PTBP3: variants seen among roughly 807,000 people sequenced by gnomAD.
PTBP3 encodes the protein polypyrimidine tract binding protein 3, also known as polypyrimidine tract-binding protein 3.
PTBP3 carries 20 observed loss-of-function variants against 58.7 expected under a neutral mutation model. The observed-to-expected ratio is 0.34, with a 90% CI of 0.24 to 0.50. The LOEUF is 0.50. PTBP3 is among the 20% of genes least tolerant of loss of function. PTBP3 has a pLI of 0.98. For missense variants in PTBP3, 509 were observed against 637.2 expected (o/e 0.80, Z 2.17); for synonymous variants, 185 against 219.8 (o/e 0.84, Z 1.40).
intron 2 of PTBP3, among the ~76,000 whole-genome samples, chr9:112,289,824 A>G (rs10121087): frequency 0.84 from 127,896 of 152,180 alleles, 54,036 homozygotes; most frequent in African/African-American, 0.92. Context: ...CAAATTATTC[A>G]GTTTGTTAGC....
the PTBP3 span, among the ~76,000 whole-genome samples, chr9:112,351,375 A>C: frequency 6.6e-6 from 1 of 152,338 alleles, no homozygotes; most frequent in Non-Finnish European, 1.5e-5. Flanking sequence ...ACAGAGATAA[A>C]GTGCCATTGA....
chr9:112,320,314 A>ATTTTT (rs67226574), intron 1 of PTBP3, among the ~76,000 whole-genome samples: 101 of 75,596 alleles, frequency 1.3e-3, no homozygotes, highest in South Asian at 2.4e-3. Context: ...ATATATATAT[A>ATTTTT]TTTTTTTTTA....
chr9:112,297,159 A>G (rs1162735671), intron 2 of PTBP3, among the ~76,000 whole-genome samples: 1 of 152,198 alleles, frequency 6.6e-6, no homozygotes, highest in Non-Finnish European at 1.5e-5. Flanking sequence ...TTTAAAACGT[A>G]TCGTCTTATA....
chr9:112,272,602 T>C (rs150168525), intron 3 of PTBP3: 3 of 152,278 alleles, frequency 2.0e-5, no homozygotes, highest in African/African-American at 7.2e-5. Context: ...GGGGTCTTGA[T>C]ATGTTGCCTG....
chr9:112,379,669 C>T, the PTBP3 span, among the ~76,000 whole-genome samples: 2 of 152,282 alleles, frequency 1.3e-5, no homozygotes, highest in East Asian at 3.9e-4. Flanking sequence ...CGAGAGAACG[C>T]CAGGCTCGGG....
the PTBP3 span, among the ~76,000 whole-genome samples, chr9:112,342,233 TAGAC>T: frequency 2.6e-5 from 4 of 152,186 alleles, no homozygotes; most frequent in Admixed American, 1.3e-4. Flanking sequence ...GATTTGGACT[TAGAC>T]AGAGCCGCAT....
At chr9:112,355,621 C>CT in the PTBP3 span, among the ~76,000 whole-genome samples, 3,590 of 127,736 alleles carry the variant, frequency 0.028, 125 homozygotes, top group African/African-American at 0.074. Flanking sequence ...AACTCTTTTT[C>CT]TTTTTTTTTT....
chr9:112,247,533 A>G (rs1835935615), intron 7 of PTBP3, among the ~76,000 whole-genome samples: 1 of 142,962 alleles, frequency 7.0e-6, no homozygotes, highest in Admixed American at 7.1e-5. Context: ...ACAAGACTCC[A>G]TCTCCACAAA....
intron 7 of PTBP3, among the ~76,000 whole-genome samples, chr9:112,239,194 TAAAAAC>T (rs1438456724): frequency 1.3e-5 from 2 of 152,130 alleles, no homozygotes; most frequent in African/African-American, 4.8e-5. Flanking sequence ...AAAATCTAGA[TAAAAAC>T]AGAAGCAGTG....
the PTBP3 span, among the ~76,000 whole-genome samples, chr9:112,357,715 C>T: frequency 6.6e-6 from 1 of 151,970 alleles, no homozygotes; most frequent in Non-Finnish European, 1.5e-5. Context: ...TTATGTGTTG[C>T]GTTGAATTGT....
intron 8 of PTBP3, among the ~76,000 whole-genome samples, chr9:112,232,909 T>C (rs922998121): frequency 2.0e-5 from 3 of 152,166 alleles, no homozygotes; most frequent in African/African-American, 7.2e-5. Context: ...TGTTCTCAGC[T>C]TAAAACCTGT....
chr9:112,255,600 C>T (rs1317418122), intron 5 of PTBP3, among the ~76,000 whole-genome samples: 1 of 152,118 alleles, frequency 6.6e-6, no homozygotes, highest in African/African-American at 2.4e-5. Flanking sequence ...ACTGAAAATC[C>T]TTTACTACCT....
chr9:112,308,084 TC>T (rs1392366613), intron 1 of PTBP3, among the ~76,000 whole-genome samples: 1 of 152,162 alleles, frequency 6.6e-6, no homozygotes, highest in East Asian at 1.9e-4. Context: ...AGGGTATTGC[TC>T]CATCACCCAG....
intron 2 of PTBP3, among the ~76,000 whole-genome samples, chr9:112,297,358 T>C (rs1467263738): frequency 6.6e-6 from 1 of 152,056 alleles, no homozygotes; most frequent in Non-Finnish European, 1.5e-5. Context: ...GTTCCCGCCA[T>C]CACACCCAGC....
intron 7 of PTBP3, among the ~76,000 whole-genome samples, chr9:112,240,141 C>T (rs1835599145): frequency 6.6e-6 from 1 of 152,048 alleles, no homozygotes; most frequent in South Asian, 2.1e-4. Context: ...GGTATAGGGC[C>T]TTGTAATCCA....
the PTBP3 span, among the ~76,000 whole-genome samples, chr9:112,353,507 A>T: frequency 4.0e-5 from 6 of 150,136 alleles, no homozygotes; most frequent in South Asian, 1.1e-3. Context: ...CGGCCTCCCA[A>T]AGTGCTGGGA....
chr9:112,278,845 A>G (rs1252990306), intron 2 of PTBP3, among the ~76,000 whole-genome samples: 1 of 152,230 alleles, frequency 6.6e-6, no homozygotes, highest in Non-Finnish European at 1.5e-5. Flanking sequence ...TATATTTTAA[A>G]TGCTCAGCAC....
At position 112,263,097 on chromosome 9, in the gene PTBP3, G is replaced by A. The variant is rs372707983; in HGVS notation, c.352-498C>T. On this transcript the variant is annotated intron_variant, in intron 4 of 13. Coordinates refer to ENST00000374257, the MANE Select transcript of PTBP3 (RefSeq NM_001163788.4). ...TTGTTTTGGGGCAGGGGGAGGGAGC[G>A]TTGATCAGAATGCAAGGAAATGTTC... Among the ~76,000 whole-genome samples the A allele has an allele frequency of 9.2e-5, 14 of 152,230 alleles. No individual in the cohort carries two copies. In the South Asian group the frequency reaches 2.7e-3, roughly 29 times the overall value.
At chr9:112,243,047 T>C (rs780192494) in intron 7 of PTBP3, among the ~76,000 whole-genome samples, 2 of 151,812 alleles carry the variant, frequency 1.3e-5, no homozygotes, top group Non-Finnish European at 2.9e-5. Flanking sequence ...GCCTCTCTAA[T>C]ATGCTCCATT....
Sources: allele counts gnomAD v4.1 joint callset (sites outside exome capture counted in the v4.1 genomes callset), GRCh38; gene constraint gnomAD v4.1.1; transcripts MANE v1.5; gene names NCBI Gene and HGNC (gene_info 2026-07-23, HGNC 2026-07-21).